ZNHIT6: variants seen among roughly 807,000 people sequenced by gnomAD.
The protein encoded by ZNHIT6 is box C/D snoRNA protein 1.
ZNHIT6 carries 45 observed loss-of-function variants against 57.2 expected under a neutral mutation model. The ratio of observed to expected loss-of-function variants is 0.79; its 90% CI spans 0.62 to 1.01. The LOEUF is 1.01. Ranked by LOEUF, ZNHIT6 falls within the 50% of genes least tolerant of loss-of-function variation. ZNHIT6 has a pLI of 0.00. For missense variants in ZNHIT6, 528 were observed against 567.3 expected, an observed-to-expected ratio of 0.93 and a Z score of 0.70; for synonymous variants, 188 against 190.0, an observed-to-expected ratio of 0.99 and a Z score of 0.09.
At chr1:85,670,653 T>A (rs531281355) in intron 8 of ZNHIT6, among the ~76,000 whole-genome samples, 1 of 152,268 alleles carries the variant, frequency 6.6e-6, no homozygotes, top group Middle Eastern at 3.4e-3. Context: ...CTATGAGAAA[T>A]GCAAAACACT....
At position 85,656,533 on chromosome 1, in the gene ZNHIT6, C is replaced by A. The variant is rs72726354; in HGVS notation, c.1372+1314G>T. Among the ~76,000 whole-genome samples the A allele has an allele frequency of 6.9e-3, 1,045 of 152,222 alleles. 7 individuals are homozygous for A. The highest frequency in any genetic ancestry group is 0.016 in the South Asian group (78 of 4,824). On this transcript the variant is annotated intron_variant, in intron 9 of 9. Transcript: ENST00000370574. ...AGAAGATGTTTGCCCTAGCTACTAACCTACATTACTAAACAACTTTTCCCA... is the reference window on the plus strand; with the variant it reads ...AGAAGATGTTTGCCCTAGCTACTAAACTACATTACTAAACAACTTTTCCCA...
chr1:85,678,695 G>A lies in ZNHIT6; in HGVS notation c.1169+6C>T. ...TTCAGAAAGTTACAATATTTTTGAA[G>A]CATACCTTTGACGAATTACAGGATC... is the stretch of plus-strand genomic sequence containing the variant. On this transcript the variant is annotated splice_donor_region_variant and intron_variant, in intron 7 of 9. Coordinates refer to ENST00000370574, the MANE Select transcript of ZNHIT6 (RefSeq NM_017953.4). 6.5e-7 allele frequency: 1 copy of A among 1,546,596 alleles called. No homozygotes were observed. The highest frequency in any genetic ancestry group is 8.8e-7 in the Non-Finnish European group (1 of 1,135,312).
intron 8 of ZNHIT6, among the ~76,000 whole-genome samples, chr1:85,662,803 T>C (rs1459603051): frequency 1.3e-5 from 2 of 152,192 alleles, no homozygotes; most frequent in Non-Finnish European, 2.9e-5. Context: ...TACAGACATA[T>C]GTCTTAATTC....
chr1:85,676,759 T>C (rs1458856923), intron 8 of ZNHIT6, among the ~76,000 whole-genome samples: 1 of 151,926 alleles, frequency 6.6e-6, no homozygotes, highest in Admixed American at 6.5e-5. Flanking sequence ...AACATTAAAG[T>C]GTTACTACTG....
chr1:85,690,246 C>T (rs1275640043), intron 5 of ZNHIT6, among the ~76,000 whole-genome samples: 8 of 152,130 alleles, frequency 5.3e-5, no homozygotes, highest in Non-Finnish European at 8.8e-5. Flanking sequence ...TCTACCTAAA[C>T]TCCCTGGCAT....
intron 4 of ZNHIT6, 50 bp downstream of exon 4, chr1:85,706,028 T>A: frequency 1.5e-6 from 2 of 1,344,996 alleles, no homozygotes; most frequent in Non-Finnish European, 2.1e-6. Flanking sequence ...AAAAAGAATC[T>A]AATTGATTTG....
In ZNHIT6 at chr1:85,678,705, G is replaced by C; in HGVS notation, c.1165C>G (p.Gln389Glu). Residue 389 changes from glutamine to glutamate, a missense_variant, in exon 7 of 10, where the codon CAA becomes GAA. Physicochemically the swap from Gln to Glu is conservative, Grantham distance 29 (BLOSUM62 2). Transcript: ENST00000370574. The stretch of plus-strand genomic sequence containing the variant: ...TACAATATTTTTGAAGCATACCTTT[G>C]ACGAATTACAGGATCAGACTTTTCA... ...DPEKSDPVIRQRLKAYIRSQT... is the reference protein window; with the variant it reads ...DPEKSDPVIRERLKAYIRSQT... 6.3e-7 allele frequency: 1 copy of C among 1,576,138 alleles called. No homozygotes were observed. Among genetic ancestry groups the C allele is most frequent in the Non-Finnish European group, 8.6e-7 (1 of 1,159,026 alleles).
chr1:85,673,059 G>T (rs978635826), intron 8 of ZNHIT6, among the ~76,000 whole-genome samples: 1 of 152,118 alleles, frequency 6.6e-6, no homozygotes, highest in Non-Finnish European at 1.5e-5. Context: ...GGCTTTTCTA[G>T]TCCAAAACCA....
intron 8 of ZNHIT6, among the ~76,000 whole-genome samples, chr1:85,676,436 C>A (rs1287298249): frequency 6.6e-6 from 1 of 151,880 alleles, no homozygotes; most frequent in Non-Finnish European, 1.5e-5. Flanking sequence ...CCTTTGCAAT[C>A]ACGACTTGAC....
chr1:85,687,523 C>G (rs1662097917), intron 5 of ZNHIT6, among the ~76,000 whole-genome samples: 1 of 151,870 alleles, frequency 6.6e-6, no homozygotes, highest in Non-Finnish European at 1.5e-5. Flanking sequence ...ATTAATGCAC[C>G]ATTAACAAAG....
chr1:85,668,923 T>C (rs1661465158), intron 8 of ZNHIT6, among the ~76,000 whole-genome samples: 2 of 151,990 alleles, frequency 1.3e-5, no homozygotes, highest in Admixed American at 1.3e-4. Flanking sequence ...ACCTGGCCAG[T>C]GTTTCTCAAA....
intron 8 of ZNHIT6, among the ~76,000 whole-genome samples, chr1:85,664,887 A>G (rs755115561): frequency 6.9e-4 from 105 of 152,242 alleles, no homozygotes; most frequent in Non-Finnish European, 1.3e-3. Flanking sequence ...GCTAGAGTCC[A>G]GAGGCACGAT....
rs370829051 is a variant in ZNHIT6 at position 85,708,387 on chromosome 1, G to A, written c.-103C>T. The A allele has an allele frequency of 1.3e-5, 19 of 1,421,276 alleles. No individual in the cohort carries two copies. In the African/African-American group the frequency reaches 1.6e-4, roughly 12 times the overall value. The allele number at this position is 1,421,276 out of a possible 1,614,324, so 88.0% of individuals were successfully genotyped here. On this transcript the variant is annotated 5_prime_UTR_variant, in exon 1 of 10. Transcript: ENST00000370574. The stretch of plus-strand genomic sequence containing the variant: ...TCGGAATACCTACGGCGGCCCACGT[G>A]TGGAGCCAAGCAGCCACAAACCCGG...
intron 8 of ZNHIT6, among the ~76,000 whole-genome samples, chr1:85,676,250 C>T (rs1225717042): frequency 2.0e-5 from 3 of 150,926 alleles, no homozygotes; most frequent in African/African-American, 7.3e-5. Flanking sequence ...GCAGAAGAAT[C>T]GCTTGAACCT....
At position 85,665,940 on chromosome 1, in the gene ZNHIT6, A is replaced by T. The variant is rs17128059; in HGVS notation, c.1248-7969T>A. The stretch of plus-strand genomic sequence containing the variant: ...CAGTTAAGTATACTGAAGCCCTGAG[A>T]AGTTAAGTATCTTACTCAGGGTCTC... On this transcript the variant is annotated intron_variant, in intron 8 of 9. Coordinates refer to ENST00000370574, the MANE Select transcript of ZNHIT6 (RefSeq NM_017953.4). Among the ~76,000 whole-genome samples, 1,430 of 152,260 alleles carry T rather than the reference A, an allele frequency of 9.4e-3. 58 individuals carry two copies. The highest frequency in any genetic ancestry group is 0.063 in the Admixed American group (957 of 15,284).
chr1:85,654,222 G>T (rs762456486), intron 9 of ZNHIT6, 124 bp from the exon 10 acceptor site: 9 of 672,276 alleles, frequency 1.3e-5, no homozygotes, highest in Admixed American at 6.6e-5. Context: ...CACACAAACC[G>T]CGTCATGTCC....
chr1:85,677,943 A>G (rs575603843), intron 7 of ZNHIT6, among the ~76,000 whole-genome samples: 1 of 152,290 alleles, frequency 6.6e-6, no homozygotes, highest in South Asian at 2.1e-4. Context: ...AGTGTCTACT[A>G]TATGCTAGGT....
chr1:85,670,397 C>T (rs1469272010), intron 8 of ZNHIT6, among the ~76,000 whole-genome samples: 8 of 152,182 alleles, frequency 5.3e-5, no homozygotes, highest in Admixed American at 1.3e-4. Flanking sequence ...AGGGTATTAA[C>T]GTGGCATCAA....
intron 4 of ZNHIT6, 106 bp downstream of exon 4, chr1:85,705,972 T>A (rs1662672536): frequency 1.1e-6 from 1 of 919,432 alleles, no homozygotes; most frequent in Non-Finnish European, 1.6e-6. Flanking sequence ...TCAGAATAGC[T>A]CTACATCATG....
Sources: allele counts gnomAD v4.1 joint callset (sites outside exome capture counted in the v4.1 genomes callset), GRCh38; gene constraint gnomAD v4.1.1; transcripts MANE v1.5; gene names NCBI Gene and HGNC (gene_info 2026-07-23, HGNC 2026-07-21).